MEF2D: variants seen among roughly 807,000 people sequenced by gnomAD.
MEF2D encodes myocyte enhancer factor 2D.
Under a neutral mutation model 59.3 loss-of-function variants are expected in MEF2D, and 10 were observed. The ratio of observed to expected loss-of-function variants is 0.17; its 90% CI spans 0.10 to 0.29. The LOEUF is 0.29. Among genes scored for constraint, MEF2D ranks in the 10% least tolerant of loss-of-function variants. The probability of loss-of-function intolerance (pLI) is 1.00; values close to 1 mark genes in which losing one functional copy is unlikely to be tolerated. For synonymous variants in MEF2D, 305 were observed against 295.0 expected, an observed-to-expected ratio of 1.03 and a Z score of -0.35; for missense variants, 508 against 699.4, an observed-to-expected ratio of 0.73 and a Z score of 3.09.
chr1:156,485,867 T>C (rs1472266439), intron 1 of MEF2D, among the ~76,000 whole-genome samples: 1 of 151,190 alleles, frequency 6.6e-6, no homozygotes, highest in Non-Finnish European at 1.5e-5. Context: ...TTTTTTTTTG[T>C]GAGACAGAGT....
At chr1:156,471,424 C>A (rs943582883) in intron 9 of MEF2D, among the ~76,000 whole-genome samples, 1 of 152,198 alleles carries the variant, frequency 6.6e-6, no homozygotes, top group Non-Finnish European at 1.5e-5. Context: ...CCACCGCGCC[C>A]GGCCAGAATC....
intron 1 of MEF2D, among the ~76,000 whole-genome samples, chr1:156,486,697 A>C (rs947427646): frequency 9.2e-5 from 14 of 152,182 alleles, no homozygotes; most frequent in Non-Finnish European, 1.8e-4. Flanking sequence ...CACAATTGTG[A>C]ATAACTATGA....
intron 1 of MEF2D, among the ~76,000 whole-genome samples, chr1:156,497,326 C>A (rs1673187915): frequency 6.6e-6 from 1 of 152,264 alleles, no homozygotes; most frequent in South Asian, 2.1e-4. Flanking sequence ...GTTGTGCCGG[C>A]CTGCCACCAT....
chr1:156,480,710 T>TG (rs1212474992), intron 4 of MEF2D, 124 bp downstream of exon 4: 11 of 1,609,376 alleles, frequency 6.8e-6, no homozygotes, highest in Non-Finnish European at 9.3e-6. Context: ...CTCTTCCGTC[T>TG]GGGGGGTCAG....
chr1:156,499,997 C>A (rs1455544441), intron 1 of MEF2D, among the ~76,000 whole-genome samples: 2 of 152,196 alleles, frequency 1.3e-5, no homozygotes, highest in Non-Finnish European at 2.9e-5. Context: ...CGCCTCCACC[C>A]TCCCGCCGCC....
chr1:156,481,054 G>A, intron 3 of MEF2D, 83 bp from the exon 4 acceptor site: 2 of 1,580,748 alleles, frequency 1.3e-6, no homozygotes, highest in East Asian at 2.2e-5. Flanking sequence ...CTCCCTAAGG[G>A]CCCCCTACTC....
chr1:156,475,281 C>A, intron 8 of MEF2D, 44 bp from the exon 9 acceptor site: 1 of 1,541,654 alleles, frequency 6.5e-7, no homozygotes. Flanking sequence ...GACAGGTGGG[C>A]AGCTTTATGT....
At chr1:156,475,578 A>T (rs770748127) in intron 8 of MEF2D, among the ~76,000 whole-genome samples, 2 of 151,968 alleles carry the variant, frequency 1.3e-5, no homozygotes, top group Non-Finnish European at 2.9e-5. Flanking sequence ...TCTGGAGCCC[A>T]CTCTCCATCC....
At chr1:156,476,446 A>G (rs1380310116) in intron 8 of MEF2D, 48 bp downstream of exon 8, 9 of 1,601,258 alleles carry the variant, frequency 5.6e-6, no homozygotes, top group Non-Finnish European at 7.7e-6. Flanking sequence ...ACCGCAGAGC[A>G]ATACCCAGAA....
chr1:156,472,051 C>T (rs1162066652), intron 9 of MEF2D, among the ~76,000 whole-genome samples: 2 of 152,214 alleles, frequency 1.3e-5, no homozygotes, highest in Non-Finnish European at 2.9e-5. Flanking sequence ...ACTAACTTTC[C>T]TCCTGCTTCA....
rs1203005820 is a variant in MEF2D at position 156,464,644 on chromosome 1, A to C, written c.*3001T>G. On this transcript the variant is annotated 3_prime_UTR_variant, in exon 12 of 12. Coordinates refer to ENST00000348159, the MANE Select transcript of MEF2D (RefSeq NM_005920.4). ...GGTCTGGGTTCCCAGGGACCCATTCATCTGGCCGCCCAGGAGCCCCTACCC... is the reference window on the plus strand; with the variant it reads ...GGTCTGGGTTCCCAGGGACCCATTCCTCTGGCCGCCCAGGAGCCCCTACCC... 3 of 152,190 alleles carry C rather than the reference A, an allele frequency of 2.0e-5. No individual in the cohort carries two copies. The highest frequency in any genetic ancestry group is 7.2e-5 in the African/African-American group (3 of 41,430). The allele number at this position is 152,190 out of a possible 1,614,324, so 9.4% of individuals were successfully genotyped here.
intron 1 of MEF2D, among the ~76,000 whole-genome samples, chr1:156,486,486 C>T (rs1326196742): frequency 6.6e-6 from 1 of 152,220 alleles, no homozygotes; most frequent in Admixed American, 6.5e-5. Context: ...CTGAGCTCCT[C>T]TGGCTTACAG....
rs952181784 is a variant in MEF2D, at chr1:156,469,540, G to A, written c.1007-520C>T. Among the ~76,000 whole-genome samples the A allele has an allele frequency of 1.3e-5, 2 of 151,194 alleles. 1 individual carries two copies. Among genetic ancestry groups the A allele is most frequent in the Admixed American group, 1.3e-4 (2 of 15,186 alleles). ...CCCAAAGTGCTGGGATTACAGGCAT[G>A]AGCCACCGCATCCGACCAAGAGGTG... On this transcript the variant is annotated intron_variant, in intron 9 of 11. Coordinates refer to ENST00000348159, the MANE Select transcript of MEF2D (RefSeq NM_005920.4).
rs1670669036 is a variant in MEF2D, at chr1:156,463,839, T to C, written c.*3806A>G. 6.5e-6 allele frequency: 1 copy of C among 152,672 alleles called. No individual in the cohort carries two copies. The highest frequency in any genetic ancestry group is 1.5e-5 in the Non-Finnish European group (1 of 68,042). The allele number at this position is 152,672 out of a possible 1,614,324, so 9.5% of individuals were successfully genotyped here. A position where few individuals can be genotyped will look rare whatever the true frequency, so the allele number is the denominator to read the frequency against. On this transcript the variant is annotated 3_prime_UTR_variant, in exon 12 of 12. Coordinates refer to ENST00000348159, the MANE Select transcript of MEF2D (RefSeq NM_005920.4). ...ATCTCGAGGACTTTGTCTTTTCTTA[T>C]TGTGTAGAATACTAAGAAAGCATCA...
chr1:156,468,297 G>C lies in MEF2D; in HGVS notation c.1250C>G (p.Pro417Arg). 6.5e-7 allele frequency: 1 copy of C among 1,541,128 alleles called. No homozygotes were observed. Among genetic ancestry groups the C allele is most frequent in the Non-Finnish European group, 8.7e-7 (1 of 1,143,396 alleles). Residue 417 changes from proline (P) to arginine (R), a missense_variant and splice_region_variant, in exon 11 of 12, where the codon CCG becomes CGG. Pro to Arg is a moderately radical substitution (Grantham distance 103). Coordinates refer to ENST00000348159, the MANE Select transcript of MEF2D (RefSeq NM_005920.4). The surrounding 1 kb of genome is among the most constrained non-coding windows in gnomAD (Gnocchi z 4.3). ...LVPVSLSNLI[P>R]GSPLPHVGAA... ...ACCCACGTGGGGCAGGGGGCTGCCC[G>C]GGCTGGAGGCAGGCAATGGAAATGG... is the stretch of plus-strand genomic sequence containing the variant.
intron 1 of MEF2D, among the ~76,000 whole-genome samples, chr1:156,491,900 A>G (rs1028047795): frequency 6.6e-6 from 1 of 152,206 alleles, no homozygotes. Flanking sequence ...CACCAAGTGG[A>G]GTTCTTGGCA....
At chr1:156,485,464 G>A (rs1672291399) in intron 1 of MEF2D, among the ~76,000 whole-genome samples, 1 of 148,250 alleles carries the variant, frequency 6.7e-6, no homozygotes, top group African/African-American at 2.5e-5. Context: ...GATATCTACA[G>A]AAAACAATGC....
intron 1 of MEF2D, among the ~76,000 whole-genome samples, chr1:156,493,858 G>C (rs1672969165): frequency 6.6e-6 from 1 of 152,098 alleles, no homozygotes; most frequent in African/African-American, 2.4e-5. Flanking sequence ...GGGCTAAGCA[G>C]TTCCCCTAAC....
rs1305499172 is a variant in MEF2D, at chr1:156,468,215, G to C, written c.1332C>G (p.Ser444=). The change falls in exon 11 of 12, where the codon TCC becomes TCG. Residue 444 remains serine (S), a synonymous_variant. Transcript: ENST00000348159. The surrounding 1 kb of genome is among the most constrained non-coding windows in gnomAD (Gnocchi z 4.3). ...PHISIKSEPV[S]PSRERSPAPP... is the part of the protein sequence containing the mutation. ...GCGCAGGGCTGCGCTCACGGCTTGG[G>C]GACACCGGTTCTGACTTGATGCTGA... is the stretch of plus-strand genomic sequence containing the variant. The C allele has an allele frequency of 6.2e-7, 1 of 1,612,044 alleles. No individual in the cohort carries two copies. Among genetic ancestry groups the C allele is most frequent in the Admixed American group, 1.7e-5 (1 of 59,868 alleles).
Sources: allele counts gnomAD v4.1 joint callset (sites outside exome capture counted in the v4.1 genomes callset), GRCh38; gene constraint gnomAD v4.1.1; non-coding constraint Gnocchi (gnomAD v3.1); transcripts MANE v1.5; gene names NCBI Gene and HGNC (gene_info 2026-07-23, HGNC 2026-07-21).